DST: variants seen among roughly 807,000 people sequenced by gnomAD.
The protein encoded by DST is dystonin.
In DST, 253 loss-of-function variants were observed where a neutral mutation model predicts 875.2. The ratio of observed to expected loss-of-function variants is 0.29; its 90% CI spans 0.26 to 0.32. The LOEUF is 0.32. Ranked by LOEUF, DST falls within the 10% of genes least tolerant of loss-of-function variation. DST has a pLI of 1.00. For missense variants in DST, 8,287 were observed against 9,111.6 expected (o/e 0.91, Z 3.68); for synonymous variants, 3,124 against 3,197.1 (o/e 0.98, Z 0.77).
intron 2 of DST, among the ~76,000 whole-genome samples, chr6:56,931,041 A>T (rs1809939528): frequency 6.6e-6 from 1 of 152,254 alleles, no homozygotes. Context: ...ACTGTCAGTC[A>T]TTTATAGCCT....
intron 4 of DST, among the ~76,000 whole-genome samples, chr6:56,784,362 T>C (rs1264429712): frequency 3.3e-5 from 5 of 152,356 alleles, no homozygotes; most frequent in East Asian, 1.9e-4. Flanking sequence ...TCAGGTACAC[T>C]GATCAGACGC....
intron 73 of DST, among the ~76,000 whole-genome samples, 178 bp from the exon 74 acceptor site, chr6:56,510,051 A>C (rs192466672): frequency 6.6e-6 from 1 of 152,306 alleles, no homozygotes; most frequent in Admixed American, 6.5e-5. Flanking sequence ...CATGCCTAAA[A>C]TCATGAAGTA....
intron 55 of DST, among the ~76,000 whole-genome samples, chr6:56,565,112 CT>C (rs1157403022): frequency 1.2e-3 from 159 of 134,444 alleles, no homozygotes; most frequent in East Asian, 6.2e-3. Flanking sequence ...TTTCTCTTTT[CT>C]TTTTTTTTTT....
At chr6:56,625,047 A>T in intron 35 of DST, 110 bp downstream of exon 35, 2 of 792,582 alleles carry the variant, frequency 2.5e-6, no homozygotes, top group South Asian at 2.8e-5. Context: ...AAATTGTTAA[A>T]ATAGTAAGTT....
chr6:56,668,669 G>A (rs986640188), intron 10 of DST, among the ~76,000 whole-genome samples: 4 of 152,054 alleles, frequency 2.6e-5, no homozygotes, highest in Admixed American at 1.3e-4. Flanking sequence ...TTGAGAGGCT[G>A]AGGCAGGAGA....
chr6:56,605,549 C>T lies in DST; in HGVS notation c.9079G>A (p.Gly3027Arg). The change falls in exon 40 of 104, where the codon GGA becomes AGA. Residue 3027 changes from glycine to arginine, a missense_variant. By Grantham distance (125) the Gly-to-Arg change is moderately radical. This residue lies in a region of DST where 3,138 missense variants were observed against 3,116.6 expected (regional missense o/e 1.01). Coordinates refer to ENST00000680361, the MANE Select transcript of DST (RefSeq NM_001374736.1). ...CCTTTAATGAGATCGCTTCCATTTC[C>T]TTGAGGATCTTTGTCAGTTACAGAG... The part of the protein sequence containing the change: ...IASVTDKDPQ[G>R]NGSDLIKGRD... 6.2e-7 allele frequency: 1 copy of T among 1,613,096 alleles called. No individual in the cohort carries two copies. The highest frequency in any genetic ancestry group is 8.5e-7 in the Non-Finnish European group (1 of 1,179,368).
chr6:56,571,838 T>C (rs949985062), intron 53 of DST, among the ~76,000 whole-genome samples: 1 of 152,216 alleles, frequency 6.6e-6, no homozygotes, highest in Non-Finnish European at 1.5e-5. Flanking sequence ...TTTTCAGTAA[T>C]ATACCACCGC....
chr6:56,538,463 C>T (rs970120038), intron 61 of DST, among the ~76,000 whole-genome samples: 2 of 152,082 alleles, frequency 1.3e-5, no homozygotes, highest in Non-Finnish European at 2.9e-5. Context: ...AATCATAATA[C>T]ATAGAAACAT....
In DST at chr6:56,597,980, C is replaced by G. The variant is rs1195356448; in HGVS notation, c.11955G>C (p.Glu3985Asp). ...EKVAAVKQLE[E>D]SKTKIENLLD... ...AAAGGTTTTCTATTTTGGTTTTGCT[C>G]TCTTCCAGCTGCTTCACTGCTGCTA... is the stretch of plus-strand genomic sequence containing the variant. Residue 3985 changes from glutamate (E) to aspartate (D), a missense_variant, in exon 47 of 104, where the codon GAG becomes GAC. Physicochemically the swap from Glu to Asp is conservative, Grantham distance 45. Transcript: ENST00000680361. 2 of 1,602,460 alleles carry G rather than the reference C, an allele frequency of 1.2e-6. No homozygotes were observed. The highest frequency in any genetic ancestry group is 1.7e-6 in the Non-Finnish European group (2 of 1,172,992).
chr6:56,721,106 G>GC (rs1164205828), intron 5 of DST, among the ~76,000 whole-genome samples: 3 of 148,180 alleles, frequency 2.0e-5, no homozygotes, highest in South Asian at 2.2e-4. Flanking sequence ...GGGCGGGGGC[G>GC]CCCCCCCACC....
At chr6:56,918,898 A>G (rs1802691034) in intron 2 of DST, among the ~76,000 whole-genome samples, 1 of 152,146 alleles carries the variant, frequency 6.6e-6, no homozygotes, top group South Asian at 2.1e-4. Context: ...AATTTGCGTT[A>G]TTTATTAGTA....
At chr6:56,851,044 C>T (rs1764947444) in intron 4 of DST, 2 of 247,062 alleles carry the variant, frequency 8.1e-6, no homozygotes, top group Non-Finnish European at 1.6e-5. Context: ...TCACTTCCAG[C>T]TTCCCGCAAA....
At chr6:56,748,597 A>G (rs568558589) in intron 4 of DST, among the ~76,000 whole-genome samples, 96 of 152,348 alleles carry the variant, frequency 6.3e-4, no homozygotes, top group Non-Finnish European at 1.1e-3. Context: ...TATCCAGAAC[A>G]TGCAATAAAC....
intron 2 of DST, among the ~76,000 whole-genome samples, chr6:56,901,528 G>A (rs1370453901): frequency 6.6e-6 from 1 of 152,228 alleles, no homozygotes; most frequent in East Asian, 1.9e-4. Context: ...CTGGGAGGCA[G>A]AGGTTGCAGT....
At chr6:56,745,387 A>G (rs1472464571) in intron 4 of DST, among the ~76,000 whole-genome samples, 1 of 152,218 alleles carries the variant, frequency 6.6e-6, no homozygotes, top group Non-Finnish European at 1.5e-5. Flanking sequence ...CTTCTTGCAC[A>G]TTTCAAGAGA....
intron 4 of DST, among the ~76,000 whole-genome samples, chr6:56,752,887 G>A (rs2099591850): frequency 6.6e-6 from 1 of 152,108 alleles, no homozygotes; most frequent in Admixed American, 6.6e-5. Context: ...TGCCTCCCGG[G>A]TTCAAGCAAT....
At chr6:56,833,480 C>T (rs1488698099) in intron 4 of DST, among the ~76,000 whole-genome samples, 1 of 152,130 alleles carries the variant, frequency 6.6e-6, no homozygotes, top group Non-Finnish European at 1.5e-5. Flanking sequence ...TTTTAACTTT[C>T]ACATGTTTTA....
At chr6:56,585,463 C>A (rs930379807) in intron 49 of DST, among the ~76,000 whole-genome samples, 1 of 151,764 alleles carries the variant, frequency 6.6e-6, no homozygotes, top group Non-Finnish European at 1.5e-5. Context: ...TTTTTTATTG[C>A]GTCTATTTGA....
intron 64 of DST, 124 bp downstream of exon 64, chr6:56,532,220 C>A: frequency 1.1e-6 from 1 of 874,698 alleles, no homozygotes; most frequent in Non-Finnish European, 1.8e-6. Flanking sequence ...TTTGCTATCT[C>A]TGTTCACATA....
Sources: gnomAD v4.1 joint callset for allele counts (sites outside exome capture counted in the v4.1 genomes callset) on GRCh38, gnomAD v4.1.1 for gene constraint, gnomAD v4.1.1 regional missense constraint, MANE v1.5 for transcripts, NCBI Gene and HGNC (gene_info 2026-07-23, HGNC 2026-07-21) for gene names.